Variants in HEMK2 observed in about 807,000 individuals in gnomAD.
HEMK2 encodes the protein HemK methyltransferase 2, ETF1 glutamine and histone H4 lysine, also known as methyltransferase HEMK2.
At chr21:28,621,844 T>C in the HEMK2 span, among the ~76,000 whole-genome samples, 4 of 152,218 alleles carry the variant, frequency 2.6e-5, no homozygotes, top group African/African-American at 9.6e-5. Context: ...GCCATCTGGA[T>C]GTATATGTGC....
At chr21:28,856,792 T>C in the HEMK2 span, among the ~76,000 whole-genome samples, 1 of 152,224 alleles carries the variant, frequency 6.6e-6, no homozygotes, top group Admixed American at 6.5e-5. Flanking sequence ...AACCTGCGTA[T>C]CAGGAGATCC....
At chr21:28,599,458 T>C in the HEMK2 span, among the ~76,000 whole-genome samples, 1 of 152,066 alleles carries the variant, frequency 6.6e-6, no homozygotes, top group East Asian at 1.9e-4. Context: ...ACCATGAGAA[T>C]AGTATGGGGA....
At chr21:28,575,864 A>G in the HEMK2 span, among the ~76,000 whole-genome samples, 127,450 of 152,160 alleles carry the variant, frequency 0.84, 54,601 homozygotes, top group African/African-American at 0.9. Flanking sequence ...CTCCGTGTTT[A>G]TTCTTTCACT....
At chr21:28,827,336 A>G in the HEMK2 span, among the ~76,000 whole-genome samples, 2 of 152,210 alleles carry the variant, frequency 1.3e-5, no homozygotes, top group African/African-American at 4.8e-5. Context: ...TTGATACCAC[A>G]GTTAAGTCCT....
At chr21:28,795,801 T>G in the HEMK2 span, among the ~76,000 whole-genome samples, 2 of 152,148 alleles carry the variant, frequency 1.3e-5, no homozygotes, top group Non-Finnish European at 2.9e-5. Flanking sequence ...GAAAAGGAAA[T>G]TTGGTTTACA....
chr21:28,592,157 A>G, the HEMK2 span, among the ~76,000 whole-genome samples: 1 of 152,022 alleles, frequency 6.6e-6, no homozygotes, highest in Non-Finnish European at 1.5e-5. Flanking sequence ...ACTAATTTAC[A>G]CTCCCACCAA....
At chr21:28,665,671 G>A in the HEMK2 span, among the ~76,000 whole-genome samples, 33,185 of 149,296 alleles carry the variant, frequency 0.22, 4,173 homozygotes, top group East Asian at 0.37. Flanking sequence ...TGTGGAAGTC[G>A]GTGTGGCGAT....
the HEMK2 span, among the ~76,000 whole-genome samples, chr21:28,862,195 G>C: frequency 2.6e-5 from 4 of 152,136 alleles, no homozygotes; most frequent in African/African-American, 9.7e-5. Flanking sequence ...CTGTGATTAA[G>C]GTCAGTAGGA....
the HEMK2 span, among the ~76,000 whole-genome samples, chr21:28,633,446 T>C: frequency 2.0e-5 from 3 of 152,210 alleles, no homozygotes; most frequent in African/African-American, 7.2e-5. Flanking sequence ...CTGGGTCTAT[T>C]TGTTTTCAAA....
At chr21:28,625,372 G>T in the HEMK2 span, among the ~76,000 whole-genome samples, 1 of 152,108 alleles carries the variant, frequency 6.6e-6, no homozygotes, top group African/African-American at 2.4e-5. Flanking sequence ...ATTACAACAG[G>T]TAGGAAGCCT....
chr21:28,814,109 C>T, the HEMK2 span, among the ~76,000 whole-genome samples: 13 of 151,944 alleles, frequency 8.6e-5, no homozygotes, highest in African/African-American at 1.9e-4. Flanking sequence ...TGGTGGTGCA[C>T]GCCTGTAGTC....
the HEMK2 span, among the ~76,000 whole-genome samples, chr21:28,828,546 T>C: frequency 6.6e-6 from 1 of 152,218 alleles, no homozygotes; most frequent in Admixed American, 6.5e-5. Context: ...TTCAGTTTTT[T>C]CTAAACTAAG....
chr21:28,869,557 T>C, the HEMK2 span, among the ~76,000 whole-genome samples: 1 of 152,210 alleles, frequency 6.6e-6, no homozygotes, highest in Non-Finnish European at 1.5e-5. Context: ...GAATGAGCCC[T>C]GGCCACTGGA....
chr21:28,610,575 A>G, the HEMK2 span, among the ~76,000 whole-genome samples: 4 of 152,228 alleles, frequency 2.6e-5, no homozygotes, highest in Non-Finnish European at 5.9e-5. Flanking sequence ...TTGAATGTAA[A>G]TGGCCTAAAT....
chr21:28,643,063 C>G, the HEMK2 span, among the ~76,000 whole-genome samples: 1 of 152,278 alleles, frequency 6.6e-6, no homozygotes, highest in African/African-American at 2.4e-5. Flanking sequence ...GTCACATACC[C>G]CACAGTCTAA....
At chr21:28,631,452 C>T in the HEMK2 span, among the ~76,000 whole-genome samples, 2 of 152,124 alleles carry the variant, frequency 1.3e-5, no homozygotes, top group African/African-American at 4.8e-5. Flanking sequence ...AATACATATT[C>T]TAAACCCCAC....
chr21:28,741,265 A>C, the HEMK2 span, among the ~76,000 whole-genome samples: 1 of 152,182 alleles, frequency 6.6e-6, no homozygotes, highest in Non-Finnish European at 1.5e-5. Context: ...TTTTACCTCC[A>C]AAAAAGATGA....
the HEMK2 span, among the ~76,000 whole-genome samples, chr21:28,577,712 TA>T: frequency 6.6e-6 from 1 of 152,172 alleles, no homozygotes; most frequent in Admixed American, 6.5e-5. Context: ...ATTGACCTTA[TA>T]TTTTTTAAAA....
chr21:28,841,351 A>ATATTAT, the HEMK2 span, among the ~76,000 whole-genome samples: 1 of 16,936 alleles, frequency 5.9e-5, no homozygotes, highest in Non-Finnish European at 8.2e-5. Context: ...TATATATATA[A>ATATTAT]ATATTATATA....
Sources: gnomAD v4.1 joint callset for allele counts (sites outside exome capture counted in the v4.1 genomes callset) on GRCh38, gnomAD v4.1.1 for gene constraint, MANE v1.5 for transcripts, NCBI Gene and HGNC (gene_info 2026-07-23, HGNC 2026-07-21) for gene names.